Variants in DYNC2H1 observed in about 807,000 individuals in gnomAD.
DYNC2H1 encodes the protein dynein cytoplasmic 2 heavy chain 1.
DYNC2H1 carries 410 observed loss-of-function variants against 570.0 expected under a neutral mutation model. That is an observed-to-expected ratio of 0.72 (90% CI 0.66 to 0.78). The LOEUF is 0.78. Among genes scored for constraint, DYNC2H1 ranks in the 30% least tolerant of loss-of-function variants. DYNC2H1 has a pLI of 0.00. For synonymous variants in DYNC2H1, 1,688 were observed against 1,677.6 expected (o/e 1.01, Z -0.15); for missense variants, 4,865 against 5,046.4 (o/e 0.96, Z 1.09).
chr11:103,440,710 A>G (rs149597872), intron 85 of DYNC2H1, among the ~76,000 whole-genome samples: 5 of 152,314 alleles, frequency 3.3e-5, no homozygotes, highest in South Asian at 2.1e-4. Flanking sequence ...AAGTACTACA[A>G]TCTAGAACCA....
intron 82 of DYNC2H1, among the ~76,000 whole-genome samples, chr11:103,337,045 A>C (rs1448096884): frequency 6.6e-6 from 1 of 152,200 alleles, no homozygotes; most frequent in Non-Finnish European, 1.5e-5. Flanking sequence ...GAACGAGGGC[A>C]AGGAAAACCT....
intron 85 of DYNC2H1, among the ~76,000 whole-genome samples, chr11:103,440,897 C>T (rs1944245533): frequency 6.6e-6 from 1 of 152,140 alleles, no homozygotes; most frequent in African/African-American, 2.4e-5. Context: ...CGATTGAAGT[C>T]ATTGTGAATG....
intron 79 of DYNC2H1, 95 bp downstream of exon 79, chr11:103,312,128 C>T (rs1461630984): frequency 2.7e-5 from 36 of 1,357,322 alleles, no homozygotes; most frequent in Non-Finnish European, 3.3e-5. Flanking sequence ...TGCCTGTAAT[C>T]CCAGTACTGT....
intron 87 of DYNC2H1, among the ~76,000 whole-genome samples, chr11:103,467,652 C>A (rs955905496): frequency 3.3e-5 from 5 of 152,162 alleles, no homozygotes; most frequent in Admixed American, 2.0e-4. Context: ...ATTCTCCTGC[C>A]TCCGCCTCCA....
intron 84 of DYNC2H1, among the ~76,000 whole-genome samples, chr11:103,420,322 A>C (rs1013114539): frequency 1.3e-5 from 2 of 152,144 alleles, no homozygotes; most frequent in African/African-American, 4.8e-5. Flanking sequence ...CAAGAAGATC[A>C]ACCCCAAGAT....
intron 61 of DYNC2H1, among the ~76,000 whole-genome samples, 193 bp downstream of exon 61, chr11:103,234,353 C>T (rs573006806): frequency 6.6e-6 from 1 of 151,968 alleles, no homozygotes; most frequent in African/African-American, 2.4e-5. Flanking sequence ...GATTTTTAGG[C>T]AAAGCAGCCT....
intron 31 of DYNC2H1, 80 bp from the exon 32 acceptor site, chr11:103,168,675 C>A: frequency 1.5e-6 from 2 of 1,370,914 alleles, no homozygotes; most frequent in Non-Finnish European, 2.0e-6. Flanking sequence ...ATGGAGAAAT[C>A]ACCTGTACAC....
intron 82 of DYNC2H1, among the ~76,000 whole-genome samples, chr11:103,354,286 T>G (rs1940214749): frequency 1.3e-5 from 2 of 152,058 alleles, no homozygotes; most frequent in South Asian, 4.2e-4. Context: ...TCTTTTAGAT[T>G]CATTTTTCCC....
chr11:103,370,857 A>G (rs1204134228), intron 83 of DYNC2H1, among the ~76,000 whole-genome samples: 1 of 152,132 alleles, frequency 6.6e-6, no homozygotes, highest in Non-Finnish European at 1.5e-5. Context: ...GGTACAAACA[A>G]TCCCAGACTG....
At chr11:103,462,149 C>A (rs1337556131) in intron 87 of DYNC2H1, among the ~76,000 whole-genome samples, 1 of 152,086 alleles carries the variant, frequency 6.6e-6, no homozygotes, top group Non-Finnish European at 1.5e-5. Flanking sequence ...TTCCACCTTT[C>A]ATTTATTACC....
chr11:103,466,003 A>G (rs60216186), intron 87 of DYNC2H1, among the ~76,000 whole-genome samples: 22,605 of 152,174 alleles, frequency 0.15, 1,870 homozygotes, highest in Admixed American at 0.24. Flanking sequence ...ATGTTTGACC[A>G]TATTTTTCAC....
At position 103,303,200 on chromosome 11, in the gene DYNC2H1, C is replaced by T; in HGVS notation, c.11203C>T (p.Gln3735Ter). The T allele has an allele frequency of 6.2e-7, 1 of 1,612,800 alleles. No individual in the cohort carries two copies. The highest frequency in any genetic ancestry group is 8.5e-7 in the Non-Finnish European group (1 of 1,179,086). ...TATTTCTCCGGGTGCTGATCCTTCT[C>T]AGGAACTTCAAGAACTAGCTAATGC... ...IIISPGADPS[Q>*]ELQELANAER... Residue 3735 changes from glutamine (Q) to a stop codon, truncating the protein, a stop_gained, in exon 76 of 89, where the codon CAG becomes TAG. Transcript: ENST00000375735. LOFTEE classifies it high-confidence loss of function.
At chr11:103,407,051 G>A (rs1457616148) in intron 84 of DYNC2H1, 1 of 151,714 alleles carries the variant, frequency 6.6e-6, no homozygotes, top group African/African-American at 2.4e-5. Flanking sequence ...GTGGTTGCTT[G>A]TGTAAGGAAG....
intron 82 of DYNC2H1, among the ~76,000 whole-genome samples, chr11:103,328,484 G>C (rs1938610711): frequency 6.6e-6 from 1 of 152,116 alleles, no homozygotes; most frequent in Admixed American, 6.5e-5. Context: ...GCCTGTCAAT[G>C]TACTTAACAA....
At chr11:103,143,541 A>T (rs1429165049) in intron 18 of DYNC2H1, 146 bp downstream of exon 18, 1 of 759,022 alleles carries the variant, frequency 1.3e-6, no homozygotes, top group African/African-American at 1.8e-5. Context: ...TCATCTAGGT[A>T]GGGCATTACA....
Position 103,299,063 on chromosome 11 carries a change from G to A in DYNC2H1, c.11096-4030G>A, listed in dbSNP as rs1460207024. Reference sequence around the variant, plus strand: ...TTTTGACTTAAAATGACTATCATGAGGAGTATATTATACTATGTGTATTGA... The same window carrying A: ...TTTTGACTTAAAATGACTATCATGAAGAGTATATTATACTATGTGTATTGA... On this transcript the variant is annotated intron_variant, in intron 75 of 88. Transcript: ENST00000375735. The surrounding 1 kb of genome is among the most constrained non-coding windows in gnomAD (Gnocchi z 4.5). Among the ~76,000 whole-genome samples, 2 of 152,044 alleles carry A rather than the reference G, an allele frequency of 1.3e-5. No homozygotes were observed. The highest frequency in any genetic ancestry group is 2.9e-5 in the Non-Finnish European group (2 of 67,976).
intron 28 of DYNC2H1, 75 bp from the exon 29 acceptor site, chr11:103,160,857 C>A: frequency 1.3e-6 from 1 of 750,246 alleles, no homozygotes. Flanking sequence ...TATATTAACA[C>A]TATGTGACAC....
intron 84 of DYNC2H1, among the ~76,000 whole-genome samples, 151 bp downstream of exon 84, chr11:103,400,023 T>A (rs1200586320): frequency 6.6e-6 from 1 of 152,244 alleles, no homozygotes; most frequent in Non-Finnish European, 1.5e-5. Context: ...CTGATGTAAC[T>A]GAAGAATCCA....
At chr11:103,216,562 G>A (rs142091010) in intron 55 of DYNC2H1, among the ~76,000 whole-genome samples, 1 of 152,254 alleles carries the variant, frequency 6.6e-6, no homozygotes, top group East Asian at 1.9e-4. Flanking sequence ...GAAGCCGAGT[G>A]GGAAGATTGC....
Sources: gnomAD v4.1 joint callset for allele counts (sites outside exome capture counted in the v4.1 genomes callset) on GRCh38, gnomAD v4.1.1 for gene constraint, Gnocchi (gnomAD v3.1) non-coding constraint, MANE v1.5 for transcripts, NCBI Gene and HGNC (gene_info 2026-07-23, HGNC 2026-07-21) for gene names.